Variants in CRYL1 observed in about 807,000 individuals in gnomAD.
The protein encoded by CRYL1 is lambda-crystallin homolog.
In CRYL1, 29 loss-of-function variants were observed where a neutral mutation model predicts 36.6. The ratio of observed to expected loss-of-function variants is 0.79; its 90% CI spans 0.59 to 1.08. The LOEUF is 1.08. Among genes scored for constraint, CRYL1 ranks in the 50% least tolerant of loss-of-function variants. CRYL1 has a pLI of 0.00. For missense variants in CRYL1, 411 were observed against 407.9 expected, an observed-to-expected ratio of 1.01 and a Z score of -0.06; for synonymous variants, 152 against 151.5, an observed-to-expected ratio of 1.00 and a Z score of -0.02.
In CRYL1 at chr13:20,422,694, GAA is replaced by G. The variant is rs573293616; in HGVS notation, c.634-9309_634-9308del. 1.3e-4 allele frequency among the ~76,000 whole-genome samples: 20 copies of G among 152,348 alleles called. No homozygotes were observed. The East Asian group carries it at 3.9e-3, about 29-fold the overall frequency. On this transcript the variant is annotated intron_variant, in intron 5 of 7. Coordinates refer to ENST00000298248, the MANE Select transcript of CRYL1 (RefSeq NM_015974.3). Reference sequence around the variant, plus strand: ...TCTGCCAAAGCCACCAGCCTTTCTGGAAAAGTCTTGCACTCCTGCTCTCCTTT... The same window carrying G: ...TCTGCCAAAGCCACCAGCCTTTCTGGAAGTCTTGCACTCCTGCTCTCCTTT...
chr13:20,473,772 T>G (rs1047198642), intron 3 of CRYL1, among the ~76,000 whole-genome samples: 1 of 152,204 alleles, frequency 6.6e-6, no homozygotes, highest in African/African-American at 2.4e-5. Context: ...ACAGTTCACT[T>G]AAGACTCAAG....
chr13:20,446,237 G>A (rs764393733), intron 3 of CRYL1, among the ~76,000 whole-genome samples: 4 of 152,062 alleles, frequency 2.6e-5, no homozygotes, highest in Admixed American at 6.6e-5. Context: ...TCAACCTCCC[G>A]AGTAGCTAGG....
chr13:20,404,143 C>G lies in CRYL1; in HGVS notation c.946G>C (p.Val316Leu), dbSNP rs774179702. ...LMRLAKLKSQVQPQ is the reference protein window; with the variant it reads ...LMRLAKLKSQLQPQ The stretch of plus-strand genomic sequence containing the variant: ...TTACAAGAAATTCACTGGGGCTGCA[C>G]TTGACTCTTCAACTTGGCGAGTCTC... The change falls in exon 8 of 8, where the codon GTG (valine) becomes CTG (leucine). Residue 316 changes from valine (V) to leucine (L), a missense_variant. Physicochemically the swap from Val to Leu is conservative, Grantham distance 32. Coordinates refer to ENST00000298248, the MANE Select transcript of CRYL1 (RefSeq NM_015974.3). The G allele has an allele frequency of 6.2e-7, 1 of 1,613,228 alleles. No homozygotes were observed. The highest frequency in any genetic ancestry group is 8.5e-7 in the Non-Finnish European group (1 of 1,179,212).
rs1319197779 is a variant in CRYL1, at chr13:20,435,197, T to G, written c.439-2901A>C. On this transcript the variant is annotated intron_variant, in intron 4 of 7. Coordinates refer to ENST00000298248, the MANE Select transcript of CRYL1 (RefSeq NM_015974.3). The surrounding 1 kb of genome is among the most constrained non-coding windows in gnomAD (Gnocchi z 4.0). ...TGCCTCCAAACTGCACACTTACAAA[T>G]AGTTAAGACGGTAGATTTTGTTATG... is the stretch of plus-strand genomic sequence containing the variant. 6.6e-6 allele frequency among the ~76,000 whole-genome samples: 1 copy of G among 152,208 alleles called. No individual in the cohort carries two copies. The highest frequency in any genetic ancestry group is 1.9e-4 in the East Asian group (1 of 5,196).
Position 20,432,194 on chromosome 13 carries a change from GTCCAA to G in CRYL1, c.536_540del (p.Ile179ThrfsTer38), listed in dbSNP as rs759387383. On this transcript the variant is annotated frameshift_variant, in exon 5 of 8. Coordinates refer to ENST00000298248, the MANE Select transcript of CRYL1 (RefSeq NM_015974.3). LOFTEE classifies it high-confidence loss of function. ...TCCTTCTGGACTCGCATGGGGCACT[GTCCAA>G]TCTTCTTCATCAGGGCGTGGGTTCT... is the stretch of plus-strand genomic sequence containing the variant. 1 of 1,614,066 alleles carries G rather than the reference GTCCAA, an allele frequency of 6.2e-7. No individual in the cohort carries two copies. Among genetic ancestry groups the G allele is most frequent in the Admixed American group, 1.7e-5 (1 of 59,994 alleles).
chr13:20,417,348 G>A (rs1049029456), intron 5 of CRYL1, among the ~76,000 whole-genome samples: 1 of 152,156 alleles, frequency 6.6e-6, no homozygotes, highest in African/African-American at 2.4e-5. Context: ...GCAGAAACAA[G>A]TGCTTGTGTT....
intron 3 of CRYL1, among the ~76,000 whole-genome samples, chr13:20,445,543 C>T (rs145989920): frequency 8.3e-4 from 126 of 152,228 alleles, no homozygotes; most frequent in African/African-American, 2.9e-3. Flanking sequence ...TTCTCTGGAG[C>T]ATGATAATAT....
chr13:20,478,736 C>T lies in CRYL1; in HGVS notation c.276+10634G>A, dbSNP rs115703999. Reference sequence around the variant, plus strand: ...AAGCAATCTACCCGCTGTGGCCTCCCCATGTTCTGGGATCACAGGCATGAG... The same window carrying T: ...AAGCAATCTACCCGCTGTGGCCTCCTCATGTTCTGGGATCACAGGCATGAG... On this transcript the variant is annotated intron_variant, in intron 3 of 7. Transcript: ENST00000298248. Among the ~76,000 whole-genome samples, 195 of 152,196 alleles carry T rather than the reference C, an allele frequency of 1.3e-3. 3 individuals carry two copies. Among genetic ancestry groups the T allele is most frequent in the African/African-American group, 4.5e-3 (187 of 41,536 alleles).
intron 1 of CRYL1, among the ~76,000 whole-genome samples, chr13:20,515,391 G>A (rs1429580541): frequency 2.6e-5 from 4 of 152,104 alleles, no homozygotes; most frequent in East Asian, 1.9e-4. Context: ...AACTCGTGCC[G>A]TAAAAATGTA....
chr13:20,503,993 C>T (rs755248470), intron 2 of CRYL1, among the ~76,000 whole-genome samples: 1 of 152,132 alleles, frequency 6.6e-6, no homozygotes, highest in Non-Finnish European at 1.5e-5. Context: ...AGCTGGGTGC[C>T]AGGGTGACCA....
intron 5 of CRYL1, among the ~76,000 whole-genome samples, chr13:20,416,752 A>C (rs1031451951): frequency 4.6e-5 from 7 of 152,234 alleles, no homozygotes; most frequent in African/African-American, 1.7e-4. Context: ...AATAGAAAAA[A>C]GGTGAGCCAC....
intron 2 of CRYL1, among the ~76,000 whole-genome samples, chr13:20,499,866 T>A (rs1209685631): frequency 1.3e-5 from 2 of 152,254 alleles, no homozygotes; most frequent in Non-Finnish European, 2.9e-5. Context: ...GTCAACAGTG[T>A]CTTTAACTGT....
chr13:20,437,420 G>C (rs913085698), intron 4 of CRYL1, among the ~76,000 whole-genome samples: 21 of 151,202 alleles, frequency 1.4e-4, no homozygotes, highest in African/African-American at 4.9e-4. Context: ...CCATTCTCCT[G>C]CCTCAGCCTC....
At chr13:20,430,753 A>G (rs1257771883) in intron 5 of CRYL1, 1 of 985,284 alleles carries the variant, frequency 1.0e-6, no homozygotes, top group South Asian at 4.7e-5. Flanking sequence ...TAAAAAGCTG[A>G]GATTGCCTGT....
intron 3 of CRYL1, among the ~76,000 whole-genome samples, chr13:20,464,856 A>G (rs1232774194): frequency 6.6e-6 from 1 of 152,204 alleles, no homozygotes; most frequent in African/African-American, 2.4e-5. Flanking sequence ...AAAACTTTCA[A>G]GAATATAAAC....
intron 2 of CRYL1, among the ~76,000 whole-genome samples, chr13:20,496,785 C>T (rs2033611699): frequency 7.1e-6 from 1 of 141,652 alleles, no homozygotes; most frequent in African/African-American, 2.7e-5. Context: ...GTGGAGGCTG[C>T]AGTGAGCAGA....
chr13:20,488,773 T>C (rs2033449213), intron 3 of CRYL1, among the ~76,000 whole-genome samples: 1 of 152,212 alleles, frequency 6.6e-6, no homozygotes, highest in Non-Finnish European at 1.5e-5. Flanking sequence ...GCAGGGCCTG[T>C]GCGTGGGCAC....
intron 3 of CRYL1, among the ~76,000 whole-genome samples, chr13:20,488,173 G>A (rs1255199511): frequency 6.6e-6 from 1 of 152,068 alleles, no homozygotes; most frequent in African/African-American, 2.4e-5. Flanking sequence ...GAGAGCATCT[G>A]TGCTCTTCAG....
At chr13:20,482,646 G>GA (rs768904852) in intron 3 of CRYL1, among the ~76,000 whole-genome samples, 58 of 152,338 alleles carry the variant, frequency 3.8e-4, no homozygotes, top group East Asian at 2.3e-3. Flanking sequence ...ATCCACTGGG[G>GA]AAAACCACAC....
Sources: gnomAD v4.1 joint callset for allele counts (sites outside exome capture counted in the v4.1 genomes callset) on GRCh38, gnomAD v4.1.1 for gene constraint, Gnocchi (gnomAD v3.1) non-coding constraint, MANE v1.5 for transcripts, NCBI Gene and HGNC (gene_info 2026-07-23, HGNC 2026-07-21) for gene names.